COL6A6: variants seen among roughly 807,000 people sequenced by gnomAD.
COL6A6 encodes collagen type VI alpha 6 chain.
Under a neutral mutation model 208.6 loss-of-function variants are expected in COL6A6, and 183 were observed. The observed-to-expected ratio is 0.88, with a 90% CI of 0.78 to 0.99. The LOEUF (loss-of-function observed/expected upper bound fraction) is 0.99, where lower values mean the gene tolerates loss of function less well. Ranked by LOEUF, COL6A6 falls within the 50% of genes least tolerant of loss-of-function variation. COL6A6 has a pLI of 0.00. For synonymous variants in COL6A6, 973 were observed against 1,011.8 expected (o/e 0.96, Z 0.73); for missense variants, 2,816 against 2,815.2 (o/e 1.00, Z -0.01).
intron 8 of COL6A6, among the ~76,000 whole-genome samples, chr3:130,575,949 C>T (rs563014772): frequency 6.6e-6 from 1 of 152,014 alleles, no homozygotes; most frequent in Non-Finnish European, 1.5e-5. Context: ...TCCCTTATGC[C>T]TTTCTCAGCC....
At chr3:130,607,221 G>A (rs981079625) in intron 21 of COL6A6, among the ~76,000 whole-genome samples, 3 of 152,124 alleles carry the variant, frequency 2.0e-5, no homozygotes, top group Admixed American at 2.0e-4. Context: ...ACTTTGCTTG[G>A]ATTTTAAGTA....
At chr3:130,520,097 T>C (rs1489536253) in intron 1 of COL6A6, among the ~76,000 whole-genome samples, 1 of 152,212 alleles carries the variant, frequency 6.6e-6, no homozygotes, top group Non-Finnish European at 1.5e-5. Context: ...CTTCATATCT[T>C]AGGCTTTAGC....
In COL6A6 at chr3:130,649,395, C is replaced by A. The variant is rs1388454810; in HGVS notation, c.5566C>A (p.Arg1856=). The change falls in exon 33 of 37, where the codon CGG becomes AGG. Residue 1856 remains arginine (R), a synonymous_variant. Transcript: ENST00000358511. ...MRFISRNVFK[R]TLPGAHTRKI... ...GTTTATTTCCAGGAATGTCTTCAAG[C>A]GGACGCTTCCGGGGGCACACACGAG... is the stretch of plus-strand genomic sequence containing the variant. 6.2e-7 allele frequency: 1 copy of A among 1,612,638 alleles called. No individual in the cohort carries two copies. Among genetic ancestry groups the A allele is most frequent in the Non-Finnish European group, 8.5e-7 (1 of 1,179,438 alleles).
rs149934883 is a variant in COL6A6 at position 130,535,417 on chromosome 3, A to G, written c.-32+18020A>G. Among the ~76,000 whole-genome samples the G allele has an allele frequency of 2.0e-5, 3 of 151,746 alleles. No individual in the cohort carries two copies. The East Asian group carries it at 5.8e-4, about 29-fold the overall frequency. ...TTCCTTTTTTTCACTGTGGCTTTCTATCATCTCTTTAAGCACTTTTCACAA... is the reference window on the plus strand; with the variant it reads ...TTCCTTTTTTTCACTGTGGCTTTCTGTCATCTCTTTAAGCACTTTTCACAA... On this transcript the variant is annotated intron_variant, in intron 1 of 36. Coordinates refer to ENST00000358511, the MANE Select transcript of COL6A6 (RefSeq NM_001102608.3).
intron 1 of COL6A6, among the ~76,000 whole-genome samples, chr3:130,539,703 G>A (rs1056184664): frequency 8.6e-5 from 13 of 151,844 alleles, no homozygotes; most frequent in Non-Finnish European, 1.6e-4. Context: ...AAAAATTATG[G>A]GCTCAAGGAA....
chr3:130,676,215 T>C lies in COL6A6; in HGVS notation c.*818T>C, dbSNP rs1296847881. On this transcript the variant is annotated 3_prime_UTR_variant, in exon 37 of 37. Transcript: ENST00000358511. ...TCATAGATGAAGCTCTGAGTTACTT[T>C]TACCCATCAGGTAGCTGTTTAGTCA... 1 of 152,190 alleles carries C rather than the reference T, an allele frequency of 6.6e-6. No individual in the cohort carries two copies. The highest frequency in any genetic ancestry group is 1.9e-4 in the East Asian group (1 of 5,200). 9.4% of individuals were successfully genotyped at this position (152,190 alleles called of 1,614,324 possible).
chr3:130,544,557 G>T (rs576247571), intron 1 of COL6A6, among the ~76,000 whole-genome samples: 1 of 152,312 alleles, frequency 6.6e-6, no homozygotes, highest in South Asian at 2.1e-4. Flanking sequence ...GAAGAGGGAT[G>T]CAGGGATTGC....
chr3:130,543,194 G>A (rs184235289), intron 1 of COL6A6, among the ~76,000 whole-genome samples: 12 of 152,116 alleles, frequency 7.9e-5, no homozygotes, highest in African/African-American at 2.2e-4. Flanking sequence ...GTGAGCCACC[G>A]TGTCTGACCC....
chr3:130,599,418 A>ACACTGTGT (rs1408893639), intron 19 of COL6A6, among the ~76,000 whole-genome samples: 1,748 of 152,336 alleles, frequency 0.011, 34 homozygotes, highest in African/African-American at 0.04. Flanking sequence ...AGTAGTAGCC[A>ACACTGTGT]TACCTGACAC....
chr3:130,624,644 A>T (rs1324707735), intron 24 of COL6A6, among the ~76,000 whole-genome samples: 2 of 152,214 alleles, frequency 1.3e-5, no homozygotes, highest in Admixed American at 1.3e-4. Context: ...AAGGGACCCT[A>T]GAGTTGGATA....
intron 36 of COL6A6, among the ~76,000 whole-genome samples, chr3:130,672,047 T>C (rs555619365): frequency 2.6e-5 from 4 of 152,338 alleles, no homozygotes; most frequent in Admixed American, 2.0e-4. Flanking sequence ...CCAAAGTACG[T>C]TTTCTGGGCA....
rs376697249 is a variant in COL6A6 at position 130,645,038 on chromosome 3, G to A, written c.5239+36G>A. ...TTTATTTACAGCATGCTTTAATCAA[G>A]CTCTAAAATGTCATACATCTGGAAA... On this transcript the variant is annotated intron_variant, in intron 32 of 36. Coordinates refer to ENST00000358511, the MANE Select transcript of COL6A6 (RefSeq NM_001102608.3). 4.4e-6 allele frequency: 7 copies of A among 1,597,162 alleles called. No homozygotes were observed. The African/African-American group carries it at 8.0e-5, about 18-fold the overall frequency.
intron 34 of COL6A6, among the ~76,000 whole-genome samples, chr3:130,661,268 C>T (rs2065923542): frequency 1.3e-5 from 2 of 152,170 alleles, no homozygotes; most frequent in Non-Finnish European, 2.9e-5. Flanking sequence ...ATAATATTGT[C>T]AATCTAGAGG....
At chr3:130,653,718 T>C (rs1203206038) in intron 33 of COL6A6, among the ~76,000 whole-genome samples, 1 of 152,212 alleles carries the variant, frequency 6.6e-6, no homozygotes, top group African/African-American at 2.4e-5. Flanking sequence ...TGTAATATGC[T>C]AACTATACTT....
rs1050166401 is a variant in COL6A6, at chr3:130,676,558, C to G, written c.*1161C>G. 1.3e-5 allele frequency: 2 copies of G among 152,214 alleles called. No individual in the cohort carries two copies. The highest frequency in any genetic ancestry group is 2.4e-5 in the African/African-American group (1 of 41,452). 9.4% of individuals were successfully genotyped at this position (152,214 alleles called of 1,614,324 possible). ...AATGGCCCTGTTAGGCAGACTGTCC[C>G]CCTCTTTGGGAATGGAAAGAAGCCC... is the stretch of plus-strand genomic sequence containing the variant. On this transcript the variant is annotated 3_prime_UTR_variant, in exon 37 of 37. Coordinates refer to ENST00000358511, the MANE Select transcript of COL6A6 (RefSeq NM_001102608.3).
At chr3:130,556,510 T>G (rs543573421) in intron 1 of COL6A6, among the ~76,000 whole-genome samples, 1 of 152,306 alleles carries the variant, frequency 6.6e-6, no homozygotes, top group East Asian at 1.9e-4. Flanking sequence ...TTTAAAATAC[T>G]TTCCTTATCC....
intron 20 of COL6A6, among the ~76,000 whole-genome samples, chr3:130,605,933 G>A (rs978369441): frequency 6.6e-6 from 1 of 152,220 alleles, no homozygotes; most frequent in African/African-American, 2.4e-5. Flanking sequence ...CATGAGAACA[G>A]TATGAGGGAA....
chr3:130,581,003 G>GT (rs532151471), intron 8 of COL6A6, among the ~76,000 whole-genome samples: 4,913 of 143,350 alleles, frequency 0.034, 232 homozygotes, highest in African/African-American at 0.11. Context: ...GAATTTTTTA[G>GT]TTTTTTTTTT....
At chr3:130,562,813 T>C (rs1187121543) in intron 2 of COL6A6, among the ~76,000 whole-genome samples, 1 of 152,236 alleles carries the variant, frequency 6.6e-6, no homozygotes, top group Non-Finnish European at 1.5e-5. Flanking sequence ...CTATTTCTAA[T>C]TAACCAATTC....
Sources: gnomAD v4.1 joint callset for allele counts (sites outside exome capture counted in the v4.1 genomes callset) on GRCh38, gnomAD v4.1.1 for gene constraint, MANE v1.5 for transcripts, NCBI Gene and HGNC (gene_info 2026-07-23, HGNC 2026-07-21) for gene names.